Variants in MOGAT1 observed in about 807,000 individuals in gnomAD.
MOGAT1 encodes monoacylglycerol O-acyltransferase 1.
In MOGAT1, 32 loss-of-function variants were observed where a neutral mutation model predicts 31.4. That is an observed-to-expected ratio of 1.02 (90% CI 0.77 to 1.37). The LOEUF is 1.37. Among genes scored for constraint, MOGAT1 ranks in the 40% most tolerant of loss-of-function variants. MOGAT1 has a pLI of 0.00. For synonymous variants in MOGAT1, 145 were observed against 144.5 expected (o/e 1.00, Z -0.03); for missense variants, 426 against 402.0 (o/e 1.06, Z -0.51).
At chr2:222,674,418 T>C (rs1692466221) in intron 1 of MOGAT1, among the ~76,000 whole-genome samples, 1 of 152,256 alleles carries the variant, frequency 6.6e-6, no homozygotes, top group African/African-American at 2.4e-5. Flanking sequence ...TTATCCATTA[T>C]TTTGCAAAAA....
At chr2:222,685,927 G>A (rs917912713) in intron 1 of MOGAT1, among the ~76,000 whole-genome samples, 1 of 152,050 alleles carries the variant, frequency 6.6e-6, no homozygotes, top group African/African-American at 2.4e-5. Context: ...TGTAAAACAT[G>A]TAATGAGCAT....
At chr2:222,679,977 T>A (rs1692553296) in intron 1 of MOGAT1, among the ~76,000 whole-genome samples, 1 of 152,222 alleles carries the variant, frequency 6.6e-6, no homozygotes, top group East Asian at 1.9e-4. Flanking sequence ...CCTCTTGTTC[T>A]GTTTTCTTTG....
intron 1 of MOGAT1, among the ~76,000 whole-genome samples, chr2:222,673,149 G>A (rs984319567): frequency 5.9e-5 from 9 of 151,644 alleles, no homozygotes; most frequent in South Asian, 2.1e-4. Context: ...CCAATCTCAG[G>A]TGATCCGCCT....
chr2:222,691,806 C>G (rs1204570155), intron 3 of MOGAT1, among the ~76,000 whole-genome samples: 1 of 152,174 alleles, frequency 6.6e-6, no homozygotes, highest in African/African-American at 2.4e-5. Flanking sequence ...CCTTTGTTGA[C>G]AGCAGTCTGT....
At chr2:222,681,786 G>A (rs1692584709) in intron 1 of MOGAT1, among the ~76,000 whole-genome samples, 1 of 152,124 alleles carries the variant, frequency 6.6e-6, no homozygotes, top group Non-Finnish European at 1.5e-5. Flanking sequence ...CCAAGGGATT[G>A]GGAGCTCAGC....
intron 3 of MOGAT1, among the ~76,000 whole-genome samples, chr2:222,692,519 G>C (rs1240620907): frequency 6.6e-6 from 1 of 152,214 alleles, no homozygotes; most frequent in Non-Finnish European, 1.5e-5. Context: ...AATGTTGGAA[G>C]AGGGACAACT....
intron 1 of MOGAT1, among the ~76,000 whole-genome samples, chr2:222,686,167 A>G (rs1156380949): frequency 6.6e-6 from 1 of 152,204 alleles, no homozygotes; most frequent in Non-Finnish European, 1.5e-5. Context: ...GTAATAAGTT[A>G]GTCTACAGTG....
At chr2:222,707,492 G>T (rs1262889280) in intron 5 of MOGAT1, among the ~76,000 whole-genome samples, 1 of 152,108 alleles carries the variant, frequency 6.6e-6, no homozygotes, top group Non-Finnish European at 1.5e-5. Context: ...CACCTGCTCA[G>T]GGCACTTACT....
At chr2:222,697,576 C>CTT (rs35259095) in intron 5 of MOGAT1, among the ~76,000 whole-genome samples, 703 of 95,846 alleles carry the variant, frequency 7.3e-3, no homozygotes, top group East Asian at 0.011. Context: ...TTATCAGAAT[C>CTT]TTTTTTTTTT....
chr2:222,682,006 C>A (rs982446503), intron 1 of MOGAT1, among the ~76,000 whole-genome samples: 1 of 152,170 alleles, frequency 6.6e-6, no homozygotes, highest in Non-Finnish European at 1.5e-5. Flanking sequence ...AGGGTAATTG[C>A]ATGTTAACTG....
chr2:222,686,073 G>A (rs1156521341), intron 1 of MOGAT1, among the ~76,000 whole-genome samples: 1 of 152,134 alleles, frequency 6.6e-6, no homozygotes, highest in Non-Finnish European at 1.5e-5. Flanking sequence ...TGCTTTTGGT[G>A]TCAGTTTTTC....
Position 222,688,507 on chromosome 2 carries a change from C to T in MOGAT1, c.258C>T (p.Asp86=), listed in dbSNP as rs201925331. The change falls in exon 2 of 6, where the codon GAC becomes GAT. Residue 86 remains aspartate, a synonymous_variant. Coordinates refer to ENST00000446656, the MANE Select transcript of MOGAT1 (RefSeq NM_058165.3). ...KNWTLWKHFK[D]YFPIHLIKTQ... is the part of the protein sequence containing the mutation. ...GGACTCTTTGGAAACACTTTAAGGA[C>T]TATTTTCCAATTCATGTGAGTACAG... The T allele has an allele frequency of 5.0e-6, 8 of 1,609,818 alleles. No homozygotes were observed. The Admixed American group carries it at 1.2e-4, about 24-fold the overall frequency.
chr2:222,694,680 G>C (rs1692815757), intron 4 of MOGAT1, 144 bp downstream of exon 4: 1 of 775,352 alleles, frequency 1.3e-6, no homozygotes, highest in African/African-American at 1.8e-5. Flanking sequence ...ATGTTCTTGG[G>C]GAATGGAATA....
rs775859985 is a variant in MOGAT1, at chr2:222,688,449, G to A, written c.200G>A (p.Arg67Gln). 1.2e-5 allele frequency: 20 copies of A among 1,613,684 alleles called. No homozygotes were observed. The highest frequency in any genetic ancestry group is 3.3e-4 in the Middle Eastern group (2 of 6,084). Residue 67 changes from arginine to glutamine, a missense_variant, in exon 2 of 6, where the codon CGA (arginine) becomes CAA (glutamine). Physicochemically the swap from Arg to Gln is conservative, Grantham distance 43. Coordinates refer to ENST00000446656, the MANE Select transcript of MOGAT1 (RefSeq NM_058165.3). ...WLYFDWHTPERGGRRSSWIKN... is the reference protein window; with the variant it reads ...WLYFDWHTPEQGGRRSSWIKN... ...TACTTTGACTGGCATACCCCAGAGC[G>A]AGGAGGCAGGAGATCCAGCTGGATC...
At chr2:222,678,597 T>C (rs111735811) in intron 1 of MOGAT1, among the ~76,000 whole-genome samples, 10 of 152,198 alleles carry the variant, frequency 6.6e-5, no homozygotes, top group African/African-American at 2.4e-4. Context: ...ATGAAGTTAA[T>C]TGTATCCATT....
intron 1 of MOGAT1, among the ~76,000 whole-genome samples, chr2:222,672,640 G>A (rs541879496): frequency 6.6e-6 from 1 of 152,174 alleles, no homozygotes; most frequent in South Asian, 2.1e-4. Flanking sequence ...GAATTTGGGG[G>A]AGACCCTTCT....
At chr2:222,690,637 C>G (rs1692745757) in intron 3 of MOGAT1, among the ~76,000 whole-genome samples, 1 of 152,200 alleles carries the variant, frequency 6.6e-6, no homozygotes, top group African/African-American at 2.4e-5. Flanking sequence ...CAAGTCACTA[C>G]TGTCATTATA....
chr2:222,694,042 C>A (rs1347104903), intron 3 of MOGAT1, among the ~76,000 whole-genome samples: 9 of 152,140 alleles, frequency 5.9e-5, no homozygotes, highest in Admixed American at 5.9e-4. Flanking sequence ...GCAGGGGATC[C>A]TTTTACTTAG....
chr2:222,692,467 G>A (rs888774641), intron 3 of MOGAT1, among the ~76,000 whole-genome samples: 3 of 152,184 alleles, frequency 2.0e-5, no homozygotes, highest in Non-Finnish European at 4.4e-5. Context: ...AAGAAGCTGT[G>A]TTTTGACCAG....
Sources: gnomAD v4.1 joint callset for allele counts (sites outside exome capture counted in the v4.1 genomes callset) on GRCh38, gnomAD v4.1.1 for gene constraint, MANE v1.5 for transcripts, NCBI Gene and HGNC (gene_info 2026-07-23, HGNC 2026-07-21) for gene names.